FREM3: variants seen among roughly 807,000 people sequenced by gnomAD.
FREM3 encodes FRAS1-related extracellular matrix protein 3.
A neutral mutation model predicts 129.1 loss-of-function variants in FREM3; 105 were observed. The ratio of observed to expected loss-of-function variants is 0.81; its 90% CI spans 0.69 to 0.96. FREM3 has a LOEUF of 0.96. FREM3 is among the 40% of genes least tolerant of loss of function. FREM3 has a pLI of 0.00. For missense variants in FREM3, 2,593 were observed against 2,666.3 expected, an observed-to-expected ratio of 0.97 and a Z score of 0.61; for synonymous variants, 1,014 against 1,044.9, an observed-to-expected ratio of 0.97 and a Z score of 0.57.
In FREM3 at chr4:143,668,210, G is replaced by C. The variant is rs974910372; in HGVS notation, c.5275+24903C>G. On this transcript the variant is annotated intron_variant, in intron 2 of 7. Transcript: ENST00000329798. Reference sequence around the variant, plus strand: ...ACTCAAGAACCGATGAACATGATGAGTATCCAGAGCTTATTCTACAAGCTG... The same window carrying C: ...ACTCAAGAACCGATGAACATGATGACTATCCAGAGCTTATTCTACAAGCTG... Among the ~76,000 whole-genome samples the C allele has an allele frequency of 5.9e-5, 9 of 152,236 alleles. No individual in the cohort carries two copies. The South Asian group carries it at 1.0e-3, about 18-fold the overall frequency.
chr4:143,659,940 T>C (rs1739675844), intron 2 of FREM3, among the ~76,000 whole-genome samples: 3 of 151,666 alleles, frequency 2.0e-5, no homozygotes, highest in African/African-American at 7.3e-5. Context: ...TTTGTTTTTT[T>C]CTTGTAAATT....
chr4:143,647,847 G>A (rs986533828), intron 2 of FREM3, among the ~76,000 whole-genome samples: 1 of 152,178 alleles, frequency 6.6e-6, no homozygotes, highest in Non-Finnish European at 1.5e-5. Context: ...CCCTCATACA[G>A]AGTCCCCACT....
rs1044165613 is a variant in FREM3, at chr4:143,699,987, A to T, written c.689T>A (p.Val230Glu). 1 of 1,500,786 alleles carries T rather than the reference A, an allele frequency of 6.7e-7. No individual in the cohort carries two copies. Among genetic ancestry groups the T allele is most frequent in the African/African-American group, 1.4e-5 (1 of 72,078 alleles). 93.0% of individuals were successfully genotyped at this position (1,500,786 alleles called of 1,614,324 possible). A position where few individuals can be genotyped will look rare whatever the true frequency, so the allele number is the denominator to read the frequency against. ...LPKYGRLVDA[V>E]GAPLPRGKGV... is the part of the protein sequence containing the mutation. ...CTTGCCCCTGGGGAGAGGGGCCCCCACCGCGTCCACCAAGCGCCCGTACTT... is the reference window on the plus strand; with the variant it reads ...CTTGCCCCTGGGGAGAGGGGCCCCCTCCGCGTCCACCAAGCGCCCGTACTT... The change falls in exon 1 of 8, where the codon GTG becomes GAG. Residue 230 changes from valine to glutamate, a missense_variant. By Grantham distance (121) the Val-to-Glu change is moderately radical. Transcript: ENST00000329798. The surrounding 1 kb of genome is among the most constrained non-coding windows in gnomAD (Gnocchi z 4.2).
At chr4:143,648,991 T>C (rs1739467214) in intron 2 of FREM3, among the ~76,000 whole-genome samples, 1 of 152,144 alleles carries the variant, frequency 6.6e-6, no homozygotes, top group African/African-American at 2.4e-5. Flanking sequence ...CTCAAACTCC[T>C]GGCCTCATGT....
At chr4:143,684,773 G>A (rs955313848) in intron 2 of FREM3, among the ~76,000 whole-genome samples, 1 of 152,160 alleles carries the variant, frequency 6.6e-6, no homozygotes, top group Non-Finnish European at 1.5e-5. Flanking sequence ...AAGAAGTAAA[G>A]GGAGAAATAT....
At chr4:143,639,915 A>G (rs1319363695) in intron 2 of FREM3, among the ~76,000 whole-genome samples, 1 of 152,132 alleles carries the variant, frequency 6.6e-6, no homozygotes, top group Non-Finnish European at 1.5e-5. Context: ...TGCTAGTAAA[A>G]AAAAAATGTA....
intron 6 of FREM3, chr4:143,601,712 G>A (rs1738575467): frequency 6.6e-6 from 1 of 152,166 alleles, no homozygotes; most frequent in Non-Finnish European, 1.5e-5. Context: ...CACTCTCATG[G>A]AGCTGATGTT....
chr4:143,612,809 C>A (rs1266881618), intron 5 of FREM3, among the ~76,000 whole-genome samples: 1 of 152,130 alleles, frequency 6.6e-6, no homozygotes, highest in Non-Finnish European at 1.5e-5. Context: ...GAAATAATAA[C>A]CTATTATACC....
At chr4:143,597,518 T>C (rs1738504563) in intron 6 of FREM3, among the ~76,000 whole-genome samples, 1 of 152,222 alleles carries the variant, frequency 6.6e-6, no homozygotes, top group Admixed American at 6.5e-5. Context: ...AGCTCTGCTC[T>C]TCTTTCTCAG....
At chr4:143,616,523 A>T (rs1738851555) in intron 5 of FREM3, among the ~76,000 whole-genome samples, 1 of 152,168 alleles carries the variant, frequency 6.6e-6, no homozygotes, top group Non-Finnish European at 1.5e-5. Context: ...GCAGTGGCTC[A>T]CACCTGTAAT....
intron 5 of FREM3, among the ~76,000 whole-genome samples, chr4:143,618,510 G>A (rs1578836850): frequency 6.6e-6 from 1 of 152,242 alleles, no homozygotes; most frequent in East Asian, 1.9e-4. Context: ...ATCTCTTGGT[G>A]GAACTGAAAC....
At position 143,594,336 on chromosome 4, in the gene FREM3, G is replaced by T. The variant is rs189357686; in HGVS notation, c.6029-8343C>A. On this transcript the variant is annotated intron_variant, in intron 6 of 7. Coordinates refer to ENST00000329798, the MANE Select transcript of FREM3 (RefSeq NM_001168235.2). The stretch of plus-strand genomic sequence containing the variant: ...TGTGTCGCTCACGCTGGGAGCTGTA[G>T]ACTGGAGCTGTTCCTATTTGGCCAT... Among the ~76,000 whole-genome samples, 758 of 152,272 alleles carry T rather than the reference G, an allele frequency of 5.0e-3. 8 individuals are homozygous for T. The highest frequency in any genetic ancestry group is 0.018 in the African/African-American group (735 of 41,550).
At chr4:143,604,277 C>A (rs1738627228) in intron 6 of FREM3, among the ~76,000 whole-genome samples, 1 of 152,064 alleles carries the variant, frequency 6.6e-6, no homozygotes, top group Non-Finnish European at 1.5e-5. Context: ...CCAAATAAAT[C>A]TTTTTTCTTT....
At chr4:143,644,946 A>G (rs1230024206) in intron 2 of FREM3, 1 of 152,186 alleles carries the variant, frequency 6.6e-6, no homozygotes, top group African/African-American at 2.4e-5. Context: ...TTCCAAAATT[A>G]TTATTACCAT....
At chr4:143,674,303 T>C (rs1051097407) in intron 2 of FREM3, among the ~76,000 whole-genome samples, 2 of 152,086 alleles carry the variant, frequency 1.3e-5, no homozygotes, top group Non-Finnish European at 2.9e-5. Context: ...GCTTCATAAG[T>C]GGAGGAGAAA....
At chr4:143,654,417 C>A (rs567324472) in intron 2 of FREM3, among the ~76,000 whole-genome samples, 18 of 152,236 alleles carry the variant, frequency 1.2e-4, no homozygotes, top group Admixed American at 7.9e-4. Context: ...ACTAAGGAAT[C>A]TTTCTGTCTA....
In FREM3 at chr4:143,611,343, C is replaced by T; in HGVS notation, c.5964G>A (p.Val1988=). Residue 1988 remains valine (V), a synonymous_variant, in exon 6 of 8, where the codon GTG becomes GTA. Transcript: ENST00000329798. ...GGAATCTGGCTCCCAGCTGTCCTCC[C>T]ACTGGCAGCCTAAGTGAAACGCTGA... ...ESFSVSLRLP[V]GGQLGARFPT... is the part of the protein sequence containing the mutation. 6.5e-7 allele frequency: 1 copy of T among 1,537,098 alleles called. No homozygotes were observed. The highest frequency in any genetic ancestry group is 8.7e-7 in the Non-Finnish European group (1 of 1,146,824).
At chr4:143,621,011 G>C in intron 5 of FREM3, 26 bp downstream of exon 5, 1 of 1,535,824 alleles carries the variant, frequency 6.5e-7, no homozygotes, top group Non-Finnish European at 8.7e-7. Flanking sequence ...TTATTCCTAT[G>C]AACAGGACCC....
intron 6 of FREM3, among the ~76,000 whole-genome samples, chr4:143,605,648 A>G (rs1738656276): frequency 6.6e-6 from 1 of 152,164 alleles, no homozygotes; most frequent in Non-Finnish European, 1.5e-5. Flanking sequence ...TAATTAAGAA[A>G]GTGGTGATTA....
Sources: allele counts gnomAD v4.1 joint callset (sites outside exome capture counted in the v4.1 genomes callset), GRCh38; gene constraint gnomAD v4.1.1; non-coding constraint Gnocchi (gnomAD v3.1); transcripts MANE v1.5; gene names NCBI Gene and HGNC (gene_info 2026-07-23, HGNC 2026-07-21).